IGSF21: variants seen among roughly 807,000 people sequenced by gnomAD.
IGSF21 encodes the protein immunoglobulin superfamily member 21.
In IGSF21, 28 loss-of-function variants were observed where a neutral mutation model predicts 46.8. The observed-to-expected ratio is 0.60, with a 90% CI of 0.44 to 0.82. IGSF21 has a LOEUF of 0.82. IGSF21 is among the 40% of genes least tolerant of loss of function. The pLI is 0.00. For synonymous variants in IGSF21, 284 were observed against 273.6 expected, an observed-to-expected ratio of 1.04 and a Z score of -0.38; for missense variants, 624 against 665.5, an observed-to-expected ratio of 0.94 and a Z score of 0.69.
intron 6 of IGSF21, among the ~76,000 whole-genome samples, chr1:18,369,727 C>T (rs960512049): frequency 6.6e-6 from 1 of 152,214 alleles, no homozygotes; most frequent in Non-Finnish European, 1.5e-5. Context: ...TGGGATGTGT[C>T]TCCCTGCAAT....
At chr1:18,303,799 C>T (rs1302467549) in intron 3 of IGSF21, among the ~76,000 whole-genome samples, 1 of 152,138 alleles carries the variant, frequency 6.6e-6, no homozygotes, top group Admixed American at 6.5e-5. Flanking sequence ...GGCAGTGGGG[C>T]TCTGCCAGGA....
intron 9 of IGSF21, among the ~76,000 whole-genome samples, chr1:18,377,762 T>C (rs925036830): frequency 3.9e-5 from 6 of 152,186 alleles, no homozygotes; most frequent in Non-Finnish European, 8.8e-5. Flanking sequence ...AGCTCAGAGC[T>C]TGGCTGCCCT....
chr1:18,258,794 A>G (rs1427548973), intron 2 of IGSF21, among the ~76,000 whole-genome samples: 3 of 152,200 alleles, frequency 2.0e-5, no homozygotes, highest in Non-Finnish European at 4.4e-5. Flanking sequence ...TGCACAGCAA[A>G]GCTCAGTTTC....
intron 3 of IGSF21, among the ~76,000 whole-genome samples, chr1:18,297,892 A>G (rs1223230928): frequency 6.6e-6 from 1 of 152,160 alleles, no homozygotes; most frequent in Admixed American, 6.5e-5. Flanking sequence ...CGGAAGGCCA[A>G]CTGAAATGTG....
At chr1:18,243,290 C>G (rs1422088276) in intron 2 of IGSF21, among the ~76,000 whole-genome samples, 2 of 152,162 alleles carry the variant, frequency 1.3e-5, no homozygotes, top group African/African-American at 4.8e-5. Flanking sequence ...TCTTCTCCAC[C>G]TCAGCGAACG....
chr1:18,130,360 G>T (rs745406564), intron 1 of IGSF21, among the ~76,000 whole-genome samples: 1 of 152,200 alleles, frequency 6.6e-6, no homozygotes, highest in Non-Finnish European at 1.5e-5. Flanking sequence ...CAGAAACGGA[G>T]CAGTCAGGAT....
intron 1 of IGSF21, among the ~76,000 whole-genome samples, chr1:18,139,551 G>C (rs75698402): frequency 0.14 from 21,210 of 152,176 alleles, 1,575 homozygotes; most frequent in Middle Eastern, 0.17. Flanking sequence ...CAGTGCTGTC[G>C]TCAGGTCAGG....
At chr1:18,366,696 C>A (rs2086168533) in intron 6 of IGSF21, among the ~76,000 whole-genome samples, 1 of 152,098 alleles carries the variant, frequency 6.6e-6, no homozygotes, top group Non-Finnish European at 1.5e-5. Context: ...CAATGAAAAC[C>A]CTGTCATCTG....
intron 6 of IGSF21, among the ~76,000 whole-genome samples, chr1:18,370,178 A>G (rs1392045803): frequency 6.6e-6 from 1 of 152,100 alleles, no homozygotes; most frequent in African/African-American, 2.4e-5. Flanking sequence ...CTTTCACCCT[A>G]TCCTATTTCC....
rs2085758025 is a variant in IGSF21, at chr1:18,335,564, A to G, written c.424+554A>G. Among the ~76,000 whole-genome samples the G allele has an allele frequency of 6.6e-6, 1 of 152,124 alleles. No homozygotes were observed. Among genetic ancestry groups the G allele is most frequent in the South Asian group, 2.1e-4 (1 of 4,822 alleles). On this transcript the variant is annotated intron_variant, in intron 4 of 9. Transcript: ENST00000251296. This position sits in a 1 kb window ranked among gnomAD's most constrained non-coding sequence, Gnocchi z 4.8. ...TCCCCATCCCAGACTCAGTTTTCCC[A>G]TGTGTAAAACAAGAATGCTGCTCTG...
intron 3 of IGSF21, among the ~76,000 whole-genome samples, chr1:18,297,234 T>C (rs79186753): frequency 1.3e-5 from 2 of 152,210 alleles, no homozygotes; most frequent in East Asian, 3.9e-4. Flanking sequence ...GATTTGTAAA[T>C]ATCTGTGGGG....
chr1:18,356,366 A>G (rs1180895539), intron 4 of IGSF21, among the ~76,000 whole-genome samples: 1 of 152,174 alleles, frequency 6.6e-6, no homozygotes, highest in African/African-American at 2.4e-5. Context: ...TGAGGCACTG[A>G]TGGTGGGAGC....
chr1:18,114,091 C>G (rs2086165703), intron 1 of IGSF21: 1 of 152,190 alleles, frequency 6.6e-6, no homozygotes, highest in Non-Finnish European at 1.5e-5. Flanking sequence ...AGTTGCCAGT[C>G]AGTGCACTCT....
intron 1 of IGSF21, among the ~76,000 whole-genome samples, chr1:18,188,692 A>T (rs1047007933): frequency 1.8e-4 from 27 of 152,164 alleles, no homozygotes; most frequent in African/African-American, 6.0e-4. Flanking sequence ...TGTGCAGAGC[A>T]CTTCATGTGT....
At chr1:18,288,254 C>T (rs1020858697) in intron 2 of IGSF21, among the ~76,000 whole-genome samples, 2 of 152,248 alleles carry the variant, frequency 1.3e-5, no homozygotes, top group Admixed American at 6.5e-5. Context: ...GGACCAAGCA[C>T]TCCCTGAAAA....
chr1:18,119,692 CAT>C (rs1277736647), intron 1 of IGSF21, among the ~76,000 whole-genome samples: 1 of 152,082 alleles, frequency 6.6e-6, no homozygotes, highest in Non-Finnish European at 1.5e-5. Context: ...TTCTTTCCAA[CAT>C]AAAGATAATA....
intron 1 of IGSF21, among the ~76,000 whole-genome samples, chr1:18,190,942 G>C (rs548979694): frequency 6.6e-6 from 1 of 152,262 alleles, no homozygotes; most frequent in Non-Finnish European, 1.5e-5. Flanking sequence ...GAGCTGGGGG[G>C]CATCAGGGCC....
intron 3 of IGSF21, among the ~76,000 whole-genome samples, chr1:18,297,118 C>T (rs371745263): frequency 6.6e-6 from 1 of 152,188 alleles, no homozygotes; most frequent in African/African-American, 2.4e-5. Context: ...GCCCGCCCCC[C>T]CACTAGACTG....
chr1:18,120,244 A>G (rs998340940), intron 1 of IGSF21, among the ~76,000 whole-genome samples: 1 of 152,212 alleles, frequency 6.6e-6, no homozygotes, highest in Admixed American at 6.5e-5. Flanking sequence ...GAGTAGATGT[A>G]ACCAGAAAGC....
Sources: allele counts gnomAD v4.1 joint callset (sites outside exome capture counted in the v4.1 genomes callset), GRCh38; gene constraint gnomAD v4.1.1; non-coding constraint Gnocchi (gnomAD v3.1); transcripts MANE v1.5; gene names NCBI Gene and HGNC (gene_info 2026-07-23, HGNC 2026-07-21).